PLCB4: variants seen among roughly 807,000 people sequenced by gnomAD.
The protein encoded by PLCB4 is phospholipase C beta 4, also known as 1-phosphatidylinositol 4,5-bisphosphate phosphodiesterase beta-4.
A neutral mutation model predicts 178.8 loss-of-function variants in PLCB4; 77 were observed. The ratio of observed to expected loss-of-function variants is 0.43; its 90% CI spans 0.36 to 0.52. The LOEUF (loss-of-function observed/expected upper bound fraction) is 0.52. PLCB4 is among the 20% of genes least tolerant of loss of function. PLCB4 has a pLI of 0.00. For synonymous variants in PLCB4, 496 were observed against 490.8 expected, an observed-to-expected ratio of 1.01 and a Z score of -0.14; for missense variants, 1,024 against 1,453.4, an observed-to-expected ratio of 0.70 and a Z score of 4.80.
In PLCB4 at chr20:9,415,776, G is replaced by A. The variant is rs80008550; in HGVS notation, c.2052-4031G>A. 9.2e-3 allele frequency among the ~76,000 whole-genome samples: 1,400 copies of A among 152,326 alleles called. 23 individuals are homozygous for A. Among genetic ancestry groups the A allele is most frequent in the African/African-American group, 0.031 (1,280 of 41,562 alleles). On this transcript the variant is annotated intron_variant, in intron 25 of 39. Transcript: ENST00000378473. ...GAGAATTTAGGATGGTGGATGCAGA[G>A]CATTAAACCAAGCATGGGGCCCTTC...
At chr20:9,439,117 CA>C (rs2041956494) in intron 30 of PLCB4, among the ~76,000 whole-genome samples, 1 of 152,184 alleles carries the variant, frequency 6.6e-6, no homozygotes, top group African/African-American at 2.4e-5. Flanking sequence ...CAAATGACCT[CA>C]AATTTTAGTA....
intron 3 of PLCB4, among the ~76,000 whole-genome samples, chr20:9,246,155 T>C (rs1350086136): frequency 1.3e-5 from 2 of 152,182 alleles, no homozygotes; most frequent in African/African-American, 4.8e-5. Flanking sequence ...TTTTGAATAA[T>C]TGTATAATAC....
At chr20:9,084,159 A>C (rs1260010001) in intron 1 of PLCB4, among the ~76,000 whole-genome samples, 1 of 152,148 alleles carries the variant, frequency 6.6e-6, no homozygotes, top group East Asian at 1.9e-4. Context: ...CATAAGAGTT[A>C]ATTTGTTTAC....
intron 2 of PLCB4, among the ~76,000 whole-genome samples, chr20:9,172,743 C>T (rs1442626793): frequency 1.3e-5 from 2 of 152,132 alleles, no homozygotes; most frequent in African/African-American, 4.8e-5. Flanking sequence ...TTTCCCCTTC[C>T]CCTGTCAACT....
chr20:9,170,958 A>G (rs1413486875), intron 2 of PLCB4, among the ~76,000 whole-genome samples: 2 of 152,200 alleles, frequency 1.3e-5, no homozygotes, highest in East Asian at 3.8e-4. Flanking sequence ...CCAGCACCAT[A>G]AAGTTGTTTA....
chr20:9,150,728 G>T (rs541149267), intron 2 of PLCB4, among the ~76,000 whole-genome samples: 88 of 152,274 alleles, frequency 5.8e-4, no homozygotes, highest in African/African-American at 2.1e-3. Context: ...AAGTTCTCCT[G>T]CCAGGGCTGC....
At chr20:9,181,920 T>G (rs1280426019) in intron 2 of PLCB4, among the ~76,000 whole-genome samples, 3 of 152,156 alleles carry the variant, frequency 2.0e-5, no homozygotes, top group African/African-American at 7.2e-5. Context: ...TAATAGGGGT[T>G]CTAGGAAATT....
At chr20:9,222,221 C>T (rs1298504448) in intron 3 of PLCB4, among the ~76,000 whole-genome samples, 1 of 151,996 alleles carries the variant, frequency 6.6e-6, no homozygotes, top group Non-Finnish European at 1.5e-5. Context: ...TCCTAAGAGG[C>T]TGGGACTACA....
At chr20:9,267,266 A>C (rs1380744417) in intron 3 of PLCB4, among the ~76,000 whole-genome samples, 1 of 152,172 alleles carries the variant, frequency 6.6e-6, no homozygotes, top group East Asian at 1.9e-4. Flanking sequence ...CAACTAGGAC[A>C]TTATATCAAC....
intron 2 of PLCB4, among the ~76,000 whole-genome samples, chr20:9,131,681 C>A (rs1009307430): frequency 1.3e-5 from 2 of 152,118 alleles, no homozygotes; most frequent in African/African-American, 2.4e-5. Flanking sequence ...AATCCTGTTC[C>A]AACCATGGTA....
chr20:9,155,766 A>G (rs901327458), intron 2 of PLCB4, among the ~76,000 whole-genome samples: 4 of 152,114 alleles, frequency 2.6e-5, no homozygotes, highest in Non-Finnish European at 5.9e-5. Flanking sequence ...GACAATAGTG[A>G]TGCCCCATTT....
chr20:9,257,942 T>C (rs1369143344), intron 3 of PLCB4, among the ~76,000 whole-genome samples: 1 of 152,192 alleles, frequency 6.6e-6, no homozygotes, highest in African/African-American at 2.4e-5. Flanking sequence ...AGTCTGATTG[T>C]TGACTTTTAA....
At chr20:9,292,769 A>G (rs1175190586) in intron 3 of PLCB4, among the ~76,000 whole-genome samples, 1 of 152,174 alleles carries the variant, frequency 6.6e-6, no homozygotes, top group Non-Finnish European at 1.5e-5. Context: ...GCAGGTATAC[A>G]CAGAAATGGT....
chr20:9,360,984 C>A (rs1195228802), intron 7 of PLCB4, among the ~76,000 whole-genome samples: 2 of 152,108 alleles, frequency 1.3e-5, no homozygotes, highest in East Asian at 3.9e-4. Flanking sequence ...CAAAAAAACC[C>A]AGAAAATATC....
At chr20:9,262,854 G>T (rs539479294) in intron 3 of PLCB4, among the ~76,000 whole-genome samples, 3 of 152,194 alleles carry the variant, frequency 2.0e-5, no homozygotes, top group Non-Finnish European at 4.4e-5. Flanking sequence ...TGAGAAAAAG[G>T]GGAACGTATT....
At chr20:9,201,408 T>A (rs2093543938) in intron 2 of PLCB4, among the ~76,000 whole-genome samples, 1 of 152,218 alleles carries the variant, frequency 6.6e-6, no homozygotes, top group Non-Finnish European at 1.5e-5. Flanking sequence ...TATTGCTAAA[T>A]GGGAATCTAT....
At position 9,318,154 on chromosome 20, in the gene PLCB4, CA is replaced by C. The variant is rs559773233; in HGVS notation, c.84+10266del. On this transcript the variant is annotated intron_variant, in intron 4 of 39. Transcript: ENST00000378473. The stretch of plus-strand genomic sequence containing the variant: ...ACAGTGACAGAGTAAGATTCTGTCT[CA>C]AAAAAAAAATAAATAAAAATAAAAG... Among the ~76,000 whole-genome samples the C allele has an allele frequency of 3.6e-4, 53 of 145,830 alleles. No individual in the cohort carries two copies. In the South Asian group the frequency reaches 0.01, roughly 28 times the overall value.
In PLCB4 at chr20:9,338,891, C is replaced by T; in HGVS notation, c.226-3C>T. On this transcript the variant is annotated splice_region_variant and splice_polypyrimidine_tract_variant and intron_variant, in intron 6 of 39. Transcript: ENST00000378473. The stretch of plus-strand genomic sequence containing the variant: ...TTTTTTCTATCTGTGTACCTCTATA[C>T]AGGATCCCAAAATCTTGGCTGCTCT... 6.2e-7 allele frequency: 1 copy of T among 1,612,272 alleles called. No individual in the cohort carries two copies. The highest frequency in any genetic ancestry group is 8.5e-7 in the Non-Finnish European group (1 of 1,178,790).
rs558896100 is a variant in PLCB4 at position 9,128,271 on chromosome 20, G to A, written c.-79+31929G>A. Among the ~76,000 whole-genome samples the A allele has an allele frequency of 2.0e-5, 3 of 152,154 alleles. No homozygotes were observed. The East Asian group carries it at 5.8e-4, about 29-fold the overall frequency. On this transcript the variant is annotated intron_variant, in intron 2 of 39. Transcript: ENST00000378473. Reference sequence around the variant, plus strand: ...GCTCCCTCTTGATTGTAAACTTCCCGAGGCCCTTACCAGAAGCTTATGCTG... The same window carrying A: ...GCTCCCTCTTGATTGTAAACTTCCCAAGGCCCTTACCAGAAGCTTATGCTG...
Sources: allele counts gnomAD v4.1 joint callset (sites outside exome capture counted in the v4.1 genomes callset), GRCh38; gene constraint gnomAD v4.1.1; transcripts MANE v1.5; gene names NCBI Gene and HGNC (gene_info 2026-07-23, HGNC 2026-07-21).